PFKP: variants seen among roughly 807,000 people sequenced by gnomAD.
PFKP encodes the protein ATP-dependent 6-phosphofructokinase, platelet type.
In PFKP, 101 loss-of-function variants were observed where a neutral mutation model predicts 94.3. That is an observed-to-expected ratio of 1.07 (90% CI 0.91 to 1.26). The LOEUF (loss-of-function observed/expected upper bound fraction) is 1.26, where lower values mean the gene tolerates loss of function less well. Ranked by LOEUF, PFKP falls within the 50% of genes most tolerant of loss-of-function variation. The pLI, the probability that PFKP is intolerant of heterozygous loss-of-function variation, is 0.00. For synonymous variants in PFKP, 573 were observed against 432.6 expected (o/e 1.32, Z -4.03); for missense variants, 1,145 against 1,103.3 (o/e 1.04, Z -0.53).
At chr10:3,136,245 C>T (rs1257541283) in intron 21 of PFKP, among the ~76,000 whole-genome samples, 4 of 152,166 alleles carry the variant, frequency 2.6e-5, no homozygotes, top group Non-Finnish European at 5.9e-5. Flanking sequence ...AGCCTGGCGA[C>T]AGAGCGAGAC....
chr10:3,100,925 T>C, intron 3 of PFKP: 1 of 1,603,162 alleles, frequency 6.2e-7, no homozygotes, highest in Non-Finnish European at 8.5e-7. Flanking sequence ...TTGCAGGTGC[T>C]GTAAGGGGTG....
intron 14 of PFKP, among the ~76,000 whole-genome samples, chr10:3,118,469 A>G (rs890873901): frequency 1.7e-4 from 25 of 151,294 alleles, no homozygotes; most frequent in African/African-American, 5.8e-4. Context: ...TCCATCTTGG[A>G]AAAAAAAAAT....
At chr10:3,093,638 C>CTTTTTTTTTTTTTTTTTTTTTTT (rs765547765) in intron 2 of PFKP, among the ~76,000 whole-genome samples, 11 of 94,056 alleles carry the variant, frequency 1.2e-4, no homozygotes, top group African/African-American at 5.2e-4. Context: ...CAAGCATTAT[C>CTTTTTTTTTTTTTTTTTTTTTTT]TTTTTTTTTT....
At chr10:3,108,897 G>C (rs988679355) in intron 9 of PFKP, 104 bp downstream of exon 9, 20 of 839,754 alleles carry the variant, frequency 2.4e-5, no homozygotes, top group Non-Finnish European at 3.9e-5. Flanking sequence ...GGTGCTCCCC[G>C]AGAGATGCCC....
At chr10:3,116,629 G>A (rs780587681) in intron 13 of PFKP, 147 bp from the exon 14 acceptor site, 72 of 662,790 alleles carry the variant, frequency 1.1e-4, no homozygotes, top group South Asian at 8.1e-4. Context: ...TGATTCATCC[G>A]GGCATCGTGA....
intron 1 of PFKP, among the ~76,000 whole-genome samples, chr10:3,080,086 C>T (rs530467206): frequency 5.5e-5 from 8 of 144,528 alleles, no homozygotes; most frequent in Non-Finnish European, 9.3e-5. Context: ...GGACTGCTAC[C>T]AAGGTTCAGG....
chr10:3,110,237 T>C (rs912240020), intron 10 of PFKP, among the ~76,000 whole-genome samples: 2 of 152,114 alleles, frequency 1.3e-5, no homozygotes, highest in Non-Finnish European at 2.9e-5. Flanking sequence ...GTCTCACTGT[T>C]GCCCAGGCTA....
Position 3,110,708 on chromosome 10 carries a change from C to T in PFKP, c.1089+1228C>T, listed in dbSNP as rs530911043. Among the ~76,000 whole-genome samples the T allele has an allele frequency of 2.0e-5, 3 of 152,014 alleles. No homozygotes were observed. The South Asian group carries it at 6.2e-4, about 32-fold the overall frequency. The stretch of plus-strand genomic sequence containing the variant: ...TGTGAGTGTGTGCGCAGGCTTGTGT[C>T]TCTGTGTGTATGTATGTATATGTGT... On this transcript the variant is annotated intron_variant, in intron 10 of 21. Transcript: ENST00000381125.
Position 3,136,447 on chromosome 10 carries a change from C to T in PFKP, c.2226-3C>T. The T allele has an allele frequency of 1.9e-6, 3 of 1,613,482 alleles. No homozygotes were observed. The highest frequency in any genetic ancestry group is 2.2e-5 in the East Asian group (1 of 44,858). Reference sequence around the variant, plus strand: ...TCACTGCTGTCTCCTCTTACCTCCACAGGCACAGGATTCCCAAAGAACAGT... The same window carrying T: ...TCACTGCTGTCTCCTCTTACCTCCATAGGCACAGGATTCCCAAAGAACAGT... On this transcript the variant is annotated splice_region_variant and splice_polypyrimidine_tract_variant and intron_variant, in intron 21 of 21. Transcript: ENST00000381125.
At chr10:3,118,581 G>A (rs1316115654) in intron 14 of PFKP, among the ~76,000 whole-genome samples, 1 of 152,202 alleles carries the variant, frequency 6.6e-6, no homozygotes, top group Admixed American at 6.5e-5. Flanking sequence ...ATTTTCTCAT[G>A]AAAACACTGT....
rs758494564 is a variant in PFKP, at chr10:3,113,374, C to G, written c.1227C>G (p.Thr409=). ...IKLPDDQIPK[T]NCNVAVINVG... ...CTCACCTGCCTTCTGTTTTGCAGAC[C>G]AATTGCAACGTAGCTGTCATCAACG... is the stretch of plus-strand genomic sequence containing the variant. The change falls in exon 13 of 22, where the codon ACC becomes ACG. Residue 409 remains threonine, a splice_region_variant and synonymous_variant. Coordinates refer to ENST00000381125, the MANE Select transcript of PFKP (RefSeq NM_002627.5). The G allele has an allele frequency of 6.3e-7, 1 of 1,582,974 alleles. No homozygotes were observed. The highest frequency in any genetic ancestry group is 8.6e-7 in the Non-Finnish European group (1 of 1,161,066).
At chr10:3,080,691 C>G (rs1467961699) in intron 1 of PFKP, among the ~76,000 whole-genome samples, 4 of 150,986 alleles carry the variant, frequency 2.6e-5, no homozygotes, top group Admixed American at 1.3e-4. Flanking sequence ...GCTGTTACTT[C>G]ATTTGTTTTT....
intron 1 of PFKP, 30 bp downstream of exon 1, chr10:3,067,737 G>A: frequency 8.0e-7 from 1 of 1,251,026 alleles, no homozygotes; most frequent in Middle Eastern, 2.0e-4. Flanking sequence ...CGGCGAGGGA[G>A]GGACGGACGG....
At chr10:3,107,676 A>C (rs1318655820) in intron 8 of PFKP, 2 of 928,262 alleles carry the variant, frequency 2.2e-6, no homozygotes, top group African/African-American at 3.6e-5. Context: ...TCTGTTTGCC[A>C]CAGTGGGAAA....
rs758569927 is a variant in PFKP, at chr10:3,116,789, G to T, written c.1385G>T (p.Gly462Val). 5 of 1,613,634 alleles carry T rather than the reference G, an allele frequency of 3.1e-6. No individual in the cohort carries two copies. Among genetic ancestry groups the T allele is most frequent in the Non-Finnish European group, 4.2e-6 (5 of 1,179,504 alleles). The change falls in exon 14 of 22, where the codon GGC becomes GTC. Residue 462 changes from glycine (G) to valine (V), a missense_variant. This residue lies in a region of PFKP where 1,119 missense variants were observed against 1,062.8 expected (regional missense o/e 1.05). Coordinates refer to ENST00000381125, the MANE Select transcript of PFKP (RefSeq NM_002627.5). ...TTTGCACATTAGATCAAAGAAATCG[G>T]CTGGACAGATGTCGGGGGCTGGACC... ...GFAKGQIKEI[G>V]WTDVGGWTGQ... is the part of the protein sequence containing the mutation.
At chr10:3,117,131 C>T (rs1039708500) in intron 14 of PFKP, among the ~76,000 whole-genome samples, 15 of 152,200 alleles carry the variant, frequency 9.9e-5, no homozygotes, top group African/African-American at 3.6e-4. Context: ...CCTAAAGCCT[C>T]CACTTGGAGG....
At chr10:3,077,210 T>C (rs1257048303) in intron 1 of PFKP, among the ~76,000 whole-genome samples, 1 of 150,602 alleles carries the variant, frequency 6.6e-6, no homozygotes. Flanking sequence ...AGGTAAAAGA[T>C]AGACCCAGAT....
chr10:3,119,186 C>T lies in PFKP; in HGVS notation c.1530+317C>T, dbSNP rs562070107. ...ATCTCTTGAGTCCAGAGTCCAGTGG[C>T]TACTTAGAGACTAAGGTAGTTATAC... On this transcript the variant is annotated intron_variant, in intron 15 of 21. Coordinates refer to ENST00000381125, the MANE Select transcript of PFKP (RefSeq NM_002627.5). Among the ~76,000 whole-genome samples the T allele has an allele frequency of 3.6e-3, 548 of 152,294 alleles. 4 individuals carry two copies. Among genetic ancestry groups the T allele is most frequent in the Middle Eastern group, 6.8e-3 (2 of 294 alleles).
intron 5 of PFKP, among the ~76,000 whole-genome samples, chr10:3,104,182 A>T (rs1835311508): frequency 6.6e-6 from 1 of 152,226 alleles, no homozygotes; most frequent in African/African-American, 2.4e-5. Flanking sequence ...ATTTGGAAGG[A>T]AGAAACAAAG....
Sources: gnomAD v4.1 joint callset for allele counts (sites outside exome capture counted in the v4.1 genomes callset) on GRCh38, gnomAD v4.1.1 for gene constraint, gnomAD v4.1.1 regional missense constraint, MANE v1.5 for transcripts, NCBI Gene and HGNC (gene_info 2026-07-23, HGNC 2026-07-21) for gene names.